The following STKLD1 variants were observed in gnomAD, a reference collection of about 807,000 sequenced individuals.
STKLD1 encodes the protein serine/threonine kinase-like domain-containing protein STKLD1.
Under a neutral mutation model 80.4 loss-of-function variants are expected in STKLD1, and 79 were observed. The observed-to-expected ratio is 0.98, with a 90% confidence interval of 0.82 to 1.19. The LOEUF is 1.19. Ranked by LOEUF, STKLD1 falls within the 50% of genes most tolerant of loss-of-function variation. The pLI is 0.00. For synonymous variants in STKLD1, 393 were observed against 357.6 expected, an observed-to-expected ratio of 1.10 and a Z score of -1.12; for missense variants, 841 against 856.0, an observed-to-expected ratio of 0.98 and a Z score of 0.22.
intron 16 of STKLD1, 83 bp downstream of exon 16, chr9:133,404,131 C>A (rs1554778235): frequency 1.4e-6 from 2 of 1,452,184 alleles, no homozygotes; most frequent in African/African-American, 2.9e-5. Context: ...CCAGGTGCCA[C>A]AAACCAAAAA....
chr9:133,405,388 G>GCTGGGGTGCACCACGT lies in STKLD1; in HGVS notation c.2017_2032dup (p.Gly678ValfsTer117). On this transcript the variant is annotated frameshift_variant, in exon 18 of 18. Transcript: ENST00000371957. LOFTEE classifies it low-confidence loss of function (END_TRUNC). ...GCCTCCCTCCAGGTGGAAGCCCCCA[G>GCTGGGGTGCACCACGT]CTGGGGTGCACCACGTCTGGGGGAC... 1 of 1,611,502 alleles carries GCTGGGGTGCACCACGT rather than the reference G, an allele frequency of 6.2e-7. No homozygotes were observed. Among genetic ancestry groups the GCTGGGGTGCACCACGT allele is most frequent in the Non-Finnish European group, 8.5e-7 (1 of 1,179,856 alleles).
In STKLD1 at chr9:133,400,423, GC is replaced by G; in HGVS notation, c.1097del (p.Pro366ArgfsTer55). 1.2e-6 allele frequency: 2 copies of G among 1,612,518 alleles called. No homozygotes were observed. ...MPADQLGLPW[P>X]PELVEVVVTT... The stretch of plus-strand genomic sequence containing the variant: ...CGCCCGCCCTGCCAGGTCTGCCGTG[GC>G]CCCCGGAGCTGGTGGAGGTGGTGGT... On this transcript the variant is annotated frameshift_variant, in exon 12 of 18. Coordinates refer to ENST00000371957, the MANE Select transcript of STKLD1 (RefSeq NM_153710.5). LOFTEE classifies it high-confidence loss of function.
rs892129300 is a variant in STKLD1, at chr9:133,394,704, C to G, written c.702+295C>G. 9.9e-6 allele frequency: 4 copies of G among 404,540 alleles called. No individual in the cohort carries two copies. Among genetic ancestry groups the G allele is most frequent in the Admixed American group, 3.7e-5 (1 of 26,998 alleles). The allele number at this position is 404,540 out of a possible 1,614,324, so 25.1% of individuals were successfully genotyped here. ...TCACTGACTCTTGATGGAGAAAAGC[C>G]AAGTTCAGGTGCCCTTGTGAGCATG... On this transcript the variant is annotated intron_variant, in intron 8 of 17. Transcript: ENST00000371957. This position sits in a 1 kb window ranked among gnomAD's most constrained non-coding sequence, Gnocchi z 4.9.
At chr9:133,403,471 A>C (rs1554778084) in intron 14 of STKLD1, among the ~76,000 whole-genome samples, 2 of 152,216 alleles carry the variant, frequency 1.3e-5, no homozygotes, top group Middle Eastern at 3.4e-3. Flanking sequence ...AGAGCTCCAA[A>C]CCACGGAAAG....
At chr9:133,403,136 C>G in intron 14 of STKLD1, 124 bp downstream of exon 14, 2 of 1,007,304 alleles carry the variant, frequency 2.0e-6, no homozygotes, top group Non-Finnish European at 2.8e-6. Flanking sequence ...AGCCATAGTC[C>G]GGGAAAGGCT....
rs1554777722 is a variant in STKLD1 at position 133,401,806 on chromosome 9, C to A, written c.1267C>A (p.Leu423Ile). The A allele has an allele frequency of 6.2e-7, 1 of 1,613,686 alleles. No homozygotes were observed. The highest frequency in any genetic ancestry group is 2.2e-5 in the East Asian group (1 of 44,868). The change falls in exon 13 of 18, where the codon CTT becomes ATT. Residue 423 changes from leucine to isoleucine, a missense_variant. By Grantham distance (5) the Leu-to-Ile change is conservative. Coordinates refer to ENST00000371957, the MANE Select transcript of STKLD1 (RefSeq NM_153710.5). ...QAITSTLLSA[L>I]QSHPEEEPLL... ...CATCACCTCCACCCTGCTGAGTGCT[C>A]TTCAGAGCCACCCCGAGGAGGAGCC...
Position 133,405,670 on chromosome 9 carries a change from G to A in STKLD1, c.*249G>A, listed in dbSNP as rs587690860. The stretch of plus-strand genomic sequence containing the variant: ...CTCCTTCCAGGAACTGGTTTCTTGC[G>A]CGGAAAAAGTGCTCTTGAGGCTGGA... On this transcript the variant is annotated 3_prime_UTR_variant, in exon 18 of 18. Coordinates refer to ENST00000371957, the MANE Select transcript of STKLD1 (RefSeq NM_153710.5). 15 of 384,738 alleles carry A rather than the reference G, an allele frequency of 3.9e-5. No homozygotes were observed. The highest frequency in any genetic ancestry group is 1.4e-4 in the Admixed American group (3 of 21,734). The allele number at this position is 384,738 out of a possible 1,614,324, so 23.8% of individuals were successfully genotyped here.
In STKLD1 at chr9:133,403,719, C is replaced by G. The variant is rs1343037537; in HGVS notation, c.1494C>G (p.Ala498=). 1.2e-6 allele frequency: 2 copies of G among 1,613,590 alleles called. No homozygotes were observed. The highest frequency in any genetic ancestry group is 1.7e-6 in the Non-Finnish European group (2 of 1,179,868). Residue 498 remains alanine (A), a synonymous_variant, in exon 15 of 18, where the codon GCC becomes GCG. Transcript: ENST00000371957. ...TTCCAGGTATCATTGTGAACAAGGC[C>G]CCCTTGGAGAAGGTCCCGGACCTCA... ...LLLDGIIVNK[A]PLEKVPDLIS... is the part of the protein sequence containing the mutation.
intron 13 of STKLD1, 143 bp from the exon 14 acceptor site, chr9:133,402,735 G>C (rs1838740246): frequency 3.5e-6 from 3 of 855,722 alleles, no homozygotes; most frequent in South Asian, 1.9e-5. Flanking sequence ...CCTGTTCAGG[G>C]CTCCATTGAG....
At chr9:133,397,071 G>A in intron 9 of STKLD1, 93 bp from the exon 10 acceptor site, 1 of 1,566,152 alleles carries the variant, frequency 6.4e-7, no homozygotes, top group African/African-American at 1.3e-5. Context: ...CCGCACCAAT[G>A]GGCAGCCCGG....
At position 133,405,812 on chromosome 9, in the gene STKLD1, T is replaced by C. The variant is rs587620500; in HGVS notation, c.*391T>C. 6.0e-4 allele frequency: 97 copies of C among 162,624 alleles called. No homozygotes were observed. The highest frequency in any genetic ancestry group is 6.0e-3 in the Middle Eastern group (2 of 336). 10.1% of individuals were successfully genotyped at this position (162,624 alleles called of 1,614,324 possible). ...GTGTGCCCTCTCCCTGTCCTTCCTT[T>C]CCATGGGCCACTGTTTCCCTTGGGG... On this transcript the variant is annotated 3_prime_UTR_variant, in exon 18 of 18. Coordinates refer to ENST00000371957, the MANE Select transcript of STKLD1 (RefSeq NM_153710.5).
Position 133,383,868 on chromosome 9 carries a change from G to A in STKLD1, c.187G>A (p.Asp63Asn). 6.2e-7 allele frequency: 1 copy of A among 1,614,024 alleles called. No homozygotes were observed. Among genetic ancestry groups the A allele is most frequent in the Non-Finnish European group, 8.5e-7 (1 of 1,179,960 alleles). Residue 63 changes from aspartate (D) to asparagine (N), a missense_variant, in exon 3 of 18, where the codon GAT (aspartate) becomes AAT (asparagine). Physicochemically the swap from Asp to Asn is conservative, Grantham distance 23 (BLOSUM62 1). Transcript: ENST00000371957. Reference protein sequence around the residue: ...KHVIKQVECMDDHYASQALEE... With the variant: ...KHVIKQVECMNDHYASQALEE... ...TGTGCCCTTGCAGGTGGAATGCATG[G>A]ATGACCATTACGCCAGTCAGGCCCT...
At chr9:133,405,015 C>T (rs988891073) in intron 17 of STKLD1, 86 bp downstream of exon 17, 3 of 1,542,908 alleles carry the variant, frequency 1.9e-6, no homozygotes, top group South Asian at 1.2e-5. Context: ...GGAAGGAGCA[C>T]ATGGAAGGTG....
intron 5 of STKLD1, chr9:133,387,808 G>C: frequency 1.7e-6 from 1 of 598,172 alleles, no homozygotes; most frequent in African/African-American, 1.8e-5. Flanking sequence ...CGGTGACCAT[G>C]ATTCCAGATT....
At chr9:133,401,283 C>T (rs1395994642) in intron 12 of STKLD1, among the ~76,000 whole-genome samples, 2 of 151,992 alleles carry the variant, frequency 1.3e-5, no homozygotes, top group African/African-American at 4.8e-5. Flanking sequence ...GGACTACAGG[C>T]ACCCACCACC....
In STKLD1 at chr9:133,403,945, A is replaced by G; in HGVS notation, c.1629A>G (p.Glu543=). The G allele has an allele frequency of 6.2e-7, 1 of 1,609,020 alleles. No individual in the cohort carries two copies. Among genetic ancestry groups the G allele is most frequent in the Non-Finnish European group, 8.5e-7 (1 of 1,177,358 alleles). The change falls in exon 16 of 18, where the codon GAA becomes GAG. Residue 543 remains glutamate (E), a synonymous_variant. Coordinates refer to ENST00000371957, the MANE Select transcript of STKLD1 (RefSeq NM_153710.5). ...GCTGCATCAAGGAGCAGCAGTTTGA[A>G]CAAGTGGTGGCGCTGCTCCTGCAAA... ...LLGCIKEQQF[E]QVVALLLQSI...
intron 4 of STKLD1, among the ~76,000 whole-genome samples, chr9:133,386,595 C>T (rs1469118876): frequency 6.6e-6 from 1 of 152,206 alleles, no homozygotes; most frequent in African/African-American, 2.4e-5. Flanking sequence ...GCCTAGGGCT[C>T]CGGTTCAGGA....
At chr9:133,400,251 A>G (rs781095174) in intron 11 of STKLD1, among the ~76,000 whole-genome samples, 162 bp from the exon 12 acceptor site, 80 of 152,304 alleles carry the variant, frequency 5.3e-4, no homozygotes, top group Non-Finnish European at 9.4e-4. Flanking sequence ...CAGACATGGC[A>G]TGCACTCCAT....
chr9:133,395,812 C>T, intron 9 of STKLD1, 49 bp downstream of exon 9: 1 of 1,580,068 alleles, frequency 6.3e-7, no homozygotes, highest in Non-Finnish European at 8.7e-7. Context: ...TATCTTTCAA[C>T]ATCTCTCCAC....
Sources: allele counts gnomAD v4.1 joint callset (sites outside exome capture counted in the v4.1 genomes callset), GRCh38; gene constraint gnomAD v4.1.1; non-coding constraint Gnocchi (gnomAD v3.1); transcripts MANE v1.5; gene names NCBI Gene and HGNC (gene_info 2026-07-23, HGNC 2026-07-21).